WDR27: variants seen among roughly 807,000 people sequenced by gnomAD.
The protein encoded by WDR27 is WD repeat-containing protein 27.
Under a neutral mutation model 114.4 loss-of-function variants are expected in WDR27, and 100 were observed. The observed-to-expected ratio is 0.87, with a 90% CI of 0.74 to 1.03. The LOEUF (loss-of-function observed/expected upper bound fraction) is 1.03. Ranked by LOEUF, WDR27 falls within the 50% of genes least tolerant of loss-of-function variation. The probability of loss-of-function intolerance (pLI) is 0.00; values close to 1 mark genes in which losing one functional copy is unlikely to be tolerated. For missense variants in WDR27, 1,129 were observed against 1,092.9 expected (o/e 1.03, Z -0.47); for synonymous variants, 449 against 423.1 (o/e 1.06, Z -0.75).
chr6:169,475,592 T>G (rs529219586), intron 25 of WDR27, among the ~76,000 whole-genome samples: 12 of 152,234 alleles, frequency 7.9e-5, no homozygotes, highest in Non-Finnish European at 1.5e-4. Flanking sequence ...AGAAATCGTT[T>G]TATTTTTCAC....
intron 25 of WDR27, among the ~76,000 whole-genome samples, chr6:169,522,499 A>T (rs1794500628): frequency 6.6e-6 from 1 of 152,122 alleles, no homozygotes; most frequent in Non-Finnish European, 1.5e-5. Context: ...CATTTCACGC[A>T]GTTGCTGCAG....
At chr6:169,465,583 T>C (rs1785479340) in intron 25 of WDR27, among the ~76,000 whole-genome samples, 1 of 152,216 alleles carries the variant, frequency 6.6e-6, no homozygotes, top group Non-Finnish European at 1.5e-5. Context: ...CTCTAGGAGA[T>C]ATTTCTACAC....
At chr6:169,665,287 C>T (rs1448814796) in intron 7 of WDR27, 199 bp downstream of exon 7, 10 of 1,350,158 alleles carry the variant, frequency 7.4e-6, no homozygotes, top group South Asian at 5.7e-5. Flanking sequence ...CCAGCTCCTC[C>T]GCAGACCAGG....
At chr6:169,605,108 C>CAAAAAAAAAAAAA (rs59884264) in intron 22 of WDR27, among the ~76,000 whole-genome samples, 11 of 76,208 alleles carry the variant, frequency 1.4e-4, no homozygotes, top group South Asian at 7.7e-4. Context: ...AGCAATTAGG[C>CAAAAAAAAAAAAA]AAAAAAAAAA....
At chr6:169,561,441 T>G (rs951474413) in intron 25 of WDR27, among the ~76,000 whole-genome samples, 3 of 152,124 alleles carry the variant, frequency 2.0e-5, no homozygotes, top group African/African-American at 7.2e-5. Flanking sequence ...GCACCCAGCC[T>G]GGAGAGGAGA....
At chr6:169,555,386 G>A (rs975481259) in intron 25 of WDR27, among the ~76,000 whole-genome samples, 2 of 152,166 alleles carry the variant, frequency 1.3e-5, no homozygotes, top group South Asian at 4.2e-4. Context: ...AGGGCTCTGG[G>A]GACCAGTGCA....
intron 2 of WDR27, among the ~76,000 whole-genome samples, chr6:169,682,352 G>A (rs1040411303): frequency 1.3e-5 from 2 of 152,152 alleles, no homozygotes; most frequent in African/African-American, 2.4e-5. Context: ...ACACCTGTCT[G>A]GGCCACTAGG....
intron 25 of WDR27, among the ~76,000 whole-genome samples, chr6:169,511,286 T>G (rs766666550): frequency 1.3e-5 from 2 of 152,248 alleles, no homozygotes; most frequent in Non-Finnish European, 2.9e-5. Context: ...ATTCTCTGAA[T>G]GTTTATCAAA....
At chr6:169,467,401 G>A (rs1174810618) in intron 25 of WDR27, among the ~76,000 whole-genome samples, 9 of 152,128 alleles carry the variant, frequency 5.9e-5, no homozygotes, top group African/African-American at 2.2e-4. Flanking sequence ...CTTCATGAGG[G>A]CCCCACTCCT....
intron 23 of WDR27, among the ~76,000 whole-genome samples, chr6:169,591,068 C>T (rs1368668791): frequency 6.6e-6 from 1 of 152,140 alleles, no homozygotes; most frequent in Admixed American, 6.5e-5. Flanking sequence ...ACACATTTTC[C>T]GCAGTGGCTA....
At chr6:169,551,572 T>C (rs1310423620) in intron 25 of WDR27, among the ~76,000 whole-genome samples, 1 of 151,520 alleles carries the variant, frequency 6.6e-6, no homozygotes, top group Non-Finnish European at 1.5e-5. Context: ...CTGTCTCTAC[T>C]AAAAATACAA....
At chr6:169,593,852 A>AAAC (rs1562651258) in intron 23 of WDR27, among the ~76,000 whole-genome samples, 1,763 of 135,124 alleles carry the variant, frequency 0.013, 30 homozygotes, top group African/African-American at 0.041. Context: ...CTGTCTCAAA[A>AAAC]AAACAAACAA....
intron 1 of WDR27, among the ~76,000 whole-genome samples, chr6:169,697,667 A>G (rs1296525134): frequency 2.0e-5 from 3 of 152,222 alleles, no homozygotes; most frequent in Non-Finnish European, 4.4e-5. Flanking sequence ...ATAAGCAGAA[A>G]TAACGGTGTA....
chr6:169,658,808 C>A lies in WDR27; in HGVS notation c.1319+278G>T, dbSNP rs372516633. On this transcript the variant is annotated intron_variant, in intron 12 of 25. Coordinates refer to ENST00000448612, the MANE Select transcript of WDR27 (RefSeq NM_182552.5). ...CCACCATTCTTCTGCCTCAGCCTCC[C>A]GACTAGCTGGGACTACAGGCGCCTG... Among the ~76,000 whole-genome samples the A allele has an allele frequency of 2.6e-5, 4 of 152,062 alleles. No individual in the cohort carries two copies. In the East Asian group the frequency reaches 7.8e-4, roughly 30 times the overall value.
intron 25 of WDR27, among the ~76,000 whole-genome samples, chr6:169,549,625 G>A (rs532253296): frequency 3.9e-5 from 6 of 152,338 alleles, no homozygotes; most frequent in South Asian, 2.1e-4. Flanking sequence ...CTACAAAGAC[G>A]TGCTTCAGTA....
chr6:169,672,334 G>T lies in WDR27; in HGVS notation c.252C>A (p.Asn84Lys). The T allele has an allele frequency of 6.2e-7, 1 of 1,613,114 alleles. No individual in the cohort carries two copies. Among genetic ancestry groups the T allele is most frequent in the Non-Finnish European group, 8.5e-7 (1 of 1,179,382 alleles). Residue 84 changes from asparagine to lysine, a missense_variant, in exon 3 of 26, where the codon AAC becomes AAA. Asn to Lys is a moderately conservative substitution (Grantham distance 94). Coordinates refer to ENST00000448612, the MANE Select transcript of WDR27 (RefSeq NM_182552.5). Reference sequence around the variant, plus strand: ...GTGATGCTGAGCAGATTAGAAGTGGGTTCACTTTATTTCCAAAAGCCATAG... The same window carrying T: ...GTGATGCTGAGCAGATTAGAAGTGGTTTCACTTTATTTCCAAAAGCCATAG... ...ITAMAFGNKVNPLLICSASLD... is the reference protein window; with the variant it reads ...ITAMAFGNKVKPLLICSASLD...
At chr6:169,628,059 ACC>A (rs78607700) in intron 21 of WDR27, among the ~76,000 whole-genome samples, 3,419 of 151,848 alleles carry the variant, frequency 0.023, 72 homozygotes, top group East Asian at 0.089. Flanking sequence ...ATCAGTTGAA[ACC>A]CCCACTGCAA....
rs374185080 is a variant in WDR27, at chr6:169,652,064, T to C, written c.1403-56A>G. 444 of 1,467,668 alleles carry C rather than the reference T, an allele frequency of 3.0e-4. 2 individuals carry two copies. The highest frequency in any genetic ancestry group is 3.7e-4 in the Non-Finnish European group (393 of 1,053,996). The allele number at this position is 1,467,668 out of a possible 1,614,324, so 90.9% of individuals were successfully genotyped here. On this transcript the variant is annotated intron_variant, in intron 13 of 25. Transcript: ENST00000448612. ...AACACTTAAAATTAGCATCTCATGA[T>C]GGACATGAGAAGAACAGAGTCTCTT...
chr6:169,452,888 C>T (rs1031344839), downstream of WDR27, among the ~76,000 whole-genome samples: 39 of 152,166 alleles, frequency 2.6e-4, no homozygotes, highest in African/African-American at 9.2e-4. Flanking sequence ...GGAGGGTAGC[C>T]ACGGTTTTAG....
Sources: allele counts gnomAD v4.1 joint callset (sites outside exome capture counted in the v4.1 genomes callset), GRCh38; gene constraint gnomAD v4.1.1; transcripts MANE v1.5; gene names NCBI Gene and HGNC (gene_info 2026-07-23, HGNC 2026-07-21).